The following PAPPA2 variants were observed in gnomAD, a reference collection of about 807,000 sequenced individuals.
PAPPA2 encodes pappalysin 2.
In PAPPA2, 86 loss-of-function variants were observed where a neutral mutation model predicts 176.4. That is an observed-to-expected ratio of 0.49 (90% confidence interval 0.41 to 0.58). PAPPA2 has a LOEUF of 0.58. PAPPA2 is among the 20% of genes least tolerant of loss of function. The pLI, the probability that PAPPA2 is intolerant of heterozygous loss-of-function variation, is 0.00. For missense variants in PAPPA2, 2,073 were observed against 2,256.9 expected (o/e 0.92, Z 1.65); for synonymous variants, 809 against 852.2 (o/e 0.95, Z 0.88).
intron 14 of PAPPA2, among the ~76,000 whole-genome samples, chr1:176,759,539 CT>C (rs1406493198): frequency 1.3e-5 from 2 of 152,132 alleles, no homozygotes; most frequent in East Asian, 3.8e-4. Context: ...TTGTTATAGC[CT>C]TCTGGAGTTC....
chr1:176,724,568 A>G (rs1661775034), intron 12 of PAPPA2, among the ~76,000 whole-genome samples: 1 of 152,184 alleles, frequency 6.6e-6, no homozygotes, highest in Non-Finnish European at 1.5e-5. Flanking sequence ...AGCAACCACC[A>G]CATGCTCACA....
intron 3 of PAPPA2, among the ~76,000 whole-genome samples, chr1:176,629,187 C>T (rs768758261): frequency 4.6e-5 from 7 of 152,176 alleles, no homozygotes; most frequent in Non-Finnish European, 8.8e-5. Flanking sequence ...TCAGGAGAAA[C>T]TTAGTCCATC....
intron 4 of PAPPA2, among the ~76,000 whole-genome samples, chr1:176,673,362 T>C (rs1395459): frequency 0.18 from 27,022 of 152,056 alleles, 2,567 homozygotes; most frequent in Middle Eastern, 0.23. Context: ...TTTTGAGTTA[T>C]GCTAATCAAA....
chr1:176,840,032 G>A, intron 21 of PAPPA2, 141 bp from the exon 22 acceptor site: 1 of 619,510 alleles, frequency 1.6e-6, no homozygotes, highest in Non-Finnish European at 2.8e-6. Context: ...CAAATATTAG[G>A]TCAATTTGTG....
At chr1:176,587,553 T>A (rs1428591304) in intron 2 of PAPPA2, among the ~76,000 whole-genome samples, 2 of 152,226 alleles carry the variant, frequency 1.3e-5, no homozygotes, top group Non-Finnish European at 2.9e-5. Flanking sequence ...GAAGATCCTT[T>A]CCCCATTCCC....
chr1:176,737,778 A>G (rs1257577201), intron 12 of PAPPA2, among the ~76,000 whole-genome samples: 1 of 152,118 alleles, frequency 6.6e-6, no homozygotes, highest in Non-Finnish European at 1.5e-5. Context: ...GATGAAAAAT[A>G]GGTTGGAGGT....
chr1:176,488,675 T>C (rs1350772130), intron 1 of PAPPA2, among the ~76,000 whole-genome samples: 1 of 152,236 alleles, frequency 6.6e-6, no homozygotes, highest in Non-Finnish European at 1.5e-5. Context: ...TCATTTGTTC[T>C]ACTCCTTTGT....
At chr1:176,530,924 A>T (rs4233168) in intron 1 of PAPPA2, among the ~76,000 whole-genome samples, 143,009 of 152,330 alleles carry the variant, frequency 0.94, 67,245 homozygotes, top group East Asian at 1. Context: ...TTATCCCTAC[A>T]TTTGTACATT....
At chr1:176,690,601 C>T (rs1660073783) in intron 5 of PAPPA2, 171 bp downstream of exon 5, 2 of 1,408,500 alleles carry the variant, frequency 1.4e-6, no homozygotes, top group African/African-American at 2.9e-5. Context: ...CTTTGAAGAA[C>T]TTGAAGAAAT....
At chr1:176,484,458 C>T (rs979848889) in intron 1 of PAPPA2, among the ~76,000 whole-genome samples, 7 of 152,118 alleles carry the variant, frequency 4.6e-5, no homozygotes, top group African/African-American at 1.7e-4. Flanking sequence ...TCTTTCACTT[C>T]TCTGGATATT....
In PAPPA2 at chr1:176,845,391, A is replaced by G. The variant is rs964141370; in HGVS notation, c.*2937A>G. On this transcript the variant is annotated 3_prime_UTR_variant, in exon 23 of 23. Transcript: ENST00000367662. Reference sequence around the variant, plus strand: ...AAGTAAAGAGCTCTTCCTGATTCTCATCTTCTCTTTTTTCTATTACAAGGC... The same window carrying G: ...AAGTAAAGAGCTCTTCCTGATTCTCGTCTTCTCTTTTTTCTATTACAAGGC... 1.3e-5 allele frequency: 2 copies of G among 152,196 alleles called. No individual in the cohort carries two copies. Among genetic ancestry groups the G allele is most frequent in the Non-Finnish European group, 2.9e-5 (2 of 68,044 alleles). 9.4% of individuals were successfully genotyped at this position (152,196 alleles called of 1,614,324 possible). A position where few individuals can be genotyped will look rare whatever the true frequency, so the allele number is the denominator to read the frequency against.
At chr1:176,801,305 C>T (rs1290866675) in intron 21 of PAPPA2, among the ~76,000 whole-genome samples, 1 of 152,102 alleles carries the variant, frequency 6.6e-6, no homozygotes, top group Non-Finnish European at 1.5e-5. Flanking sequence ...CCCTGATTTC[C>T]AGCTTCTTCC....
chr1:176,620,159 G>A (rs1655504563), intron 3 of PAPPA2, among the ~76,000 whole-genome samples: 1 of 152,144 alleles, frequency 6.6e-6, no homozygotes, highest in Non-Finnish European at 1.5e-5. Flanking sequence ...AATGGTGTGA[G>A]GGGTCTCTCT....
At chr1:176,525,848 T>G (rs1379718961) in intron 1 of PAPPA2, among the ~76,000 whole-genome samples, 4 of 152,216 alleles carry the variant, frequency 2.6e-5, no homozygotes, top group Non-Finnish European at 2.9e-5. Context: ...TTCTTGCGTG[T>G]TCAATCTCTC....
At chr1:176,818,599 G>C (rs1666507092) in intron 21 of PAPPA2, among the ~76,000 whole-genome samples, 1 of 90,324 alleles carries the variant, frequency 1.1e-5, no homozygotes, top group South Asian at 2.8e-4. Context: ...TTTACCATCT[G>C]ACCCACTGCC....
At chr1:176,634,440 T>G (rs1333205402) in intron 3 of PAPPA2, among the ~76,000 whole-genome samples, 1 of 151,964 alleles carries the variant, frequency 6.6e-6, no homozygotes, top group Non-Finnish European at 1.5e-5. Flanking sequence ...GGGCCTGTTG[T>G]GGAGTGGGAG....
chr1:176,692,022 A>C (rs1660140765), intron 5 of PAPPA2, 104 bp from the exon 6 acceptor site: 2 of 1,096,036 alleles, frequency 1.8e-6, no homozygotes, highest in East Asian at 4.8e-5. Flanking sequence ...CATTGAGCCT[A>C]ATAAGTTAAC....
intron 1 of PAPPA2, among the ~76,000 whole-genome samples, chr1:176,520,783 T>G (rs1306566503): frequency 6.6e-6 from 1 of 152,072 alleles, no homozygotes; most frequent in Non-Finnish European, 1.5e-5. Context: ...CAGCCTCTCC[T>G]GGAATTGTTT....
chr1:176,680,084 G>A (rs1314121148), intron 4 of PAPPA2, among the ~76,000 whole-genome samples: 2 of 152,086 alleles, frequency 1.3e-5, no homozygotes, highest in Non-Finnish European at 2.9e-5. Flanking sequence ...AAAAGTAATC[G>A]GGTCTAAATT....
Sources: gnomAD v4.1 joint callset for allele counts (sites outside exome capture counted in the v4.1 genomes callset) on GRCh38, gnomAD v4.1.1 for gene constraint, MANE v1.5 for transcripts, NCBI Gene and HGNC (gene_info 2026-07-23, HGNC 2026-07-21) for gene names.